Variants in VPS13D observed in about 807,000 individuals in gnomAD.
VPS13D encodes vacuolar protein sorting 13 homolog D.
In VPS13D, 187 loss-of-function variants were observed where a neutral mutation model predicts 461.9. That is an observed-to-expected ratio of 0.40 (90% CI 0.36 to 0.46). The LOEUF is 0.46. VPS13D is among the 20% of genes least tolerant of loss of function. The pLI, the probability that VPS13D is intolerant of heterozygous loss-of-function variation, is 0.60. For missense variants in VPS13D, 4,711 were observed against 5,364.9 expected (o/e 0.88, Z 3.81); for synonymous variants, 1,951 against 1,986.3 (o/e 0.98, Z 0.47).
chr1:12,258,005 A>G lies in VPS13D; in HGVS notation c.1012A>G (p.Thr338Ala). Reference protein sequence around the residue: ...YEIREQRKRCTWDFMLHRARD... With the variant: ...YEIREQRKRCAWDFMLHRARD... ...GATCAGAGAGCAGAGGAAACGTTGCACCTGGGACTTTATGTTGCACCGCGC... is the reference window on the plus strand; with the variant it reads ...GATCAGAGAGCAGAGGAAACGTTGCGCCTGGGACTTTATGTTGCACCGCGC... Residue 338 changes from threonine (T) to alanine (A), a missense_variant, in exon 10 of 70, where the codon ACC becomes GCC. Coordinates refer to ENST00000620676, the MANE Select transcript of VPS13D (RefSeq NM_015378.4). The G allele has an allele frequency of 6.2e-7, 1 of 1,614,240 alleles. No homozygotes were observed. Among genetic ancestry groups the G allele is most frequent in the Non-Finnish European group, 8.5e-7 (1 of 1,180,046 alleles).
In VPS13D at chr1:12,354,068, C is replaced by A. The variant is rs766643917; in HGVS notation, c.9526C>A (p.His3176Asn). 2 of 1,614,188 alleles carry A rather than the reference C, an allele frequency of 1.2e-6. No homozygotes were observed. The highest frequency in any genetic ancestry group is 4.5e-5 in the East Asian group (2 of 44,886). The change falls in exon 47 of 70, where the codon CAT (histidine) becomes AAT (asparagine). Residue 3176 changes from histidine (H) to asparagine (N), a missense_variant. By Grantham distance (68) the His-to-Asn change is moderately conservative (BLOSUM62 1). Coordinates refer to ENST00000620676, the MANE Select transcript of VPS13D (RefSeq NM_015378.4). The stretch of plus-strand genomic sequence containing the variant: ...AAAACAGATTTTCAGACAGCCTGGG[C>A]ATACCATATATCTCCTGCCAACTGT... ...SAKQIFRQPG[H>N]TIYLLPTVVI...
intron 46 of VPS13D, among the ~76,000 whole-genome samples, chr1:12,353,405 C>T (rs959774626): frequency 6.6e-6 from 1 of 151,640 alleles, no homozygotes; most frequent in East Asian, 1.9e-4. Context: ...TGGTGGTGGT[C>T]GCCTGTAGTC....
intron 7 of VPS13D, among the ~76,000 whole-genome samples, chr1:12,255,193 G>A (rs1319472555): frequency 1.3e-5 from 2 of 152,142 alleles, no homozygotes; most frequent in Non-Finnish European, 2.9e-5. Flanking sequence ...TGATACACCT[G>A]CCTCGGCTTC....
At chr1:12,415,323 T>G in intron 64 of VPS13D, 102 bp downstream of exon 64, 1 of 1,472,462 alleles carries the variant, frequency 6.8e-7, no homozygotes, top group Non-Finnish European at 9.4e-7. Context: ...GAGAACCCAG[T>G]TAAACATTTC....
intron 65 of VPS13D, among the ~76,000 whole-genome samples, chr1:12,448,430 A>T (rs919413967): frequency 6.6e-6 from 1 of 152,168 alleles, no homozygotes; most frequent in Non-Finnish European, 1.5e-5. Flanking sequence ...TGCTAACTGT[A>T]TGGAAACCTG....
intron 50 of VPS13D, among the ~76,000 whole-genome samples, chr1:12,361,419 G>A (rs1437566167): frequency 6.8e-5 from 9 of 132,000 alleles, no homozygotes; most frequent in South Asian, 2.3e-4. Context: ...TTTTTGAGAC[G>A]GAGTCTCGCT....
At chr1:12,396,347 T>C (rs1236774769) in intron 60 of VPS13D, among the ~76,000 whole-genome samples, 1 of 152,146 alleles carries the variant, frequency 6.6e-6, no homozygotes, top group Non-Finnish European at 1.5e-5. Context: ...GCTTGTTTTC[T>C]TGAGTAAATG....
intron 40 of VPS13D, 133 bp downstream of exon 40, chr1:12,338,438 G>T (rs186371904): frequency 3.4e-5 from 25 of 730,066 alleles, no homozygotes; most frequent in Non-Finnish European, 5.6e-5. Context: ...TAATAGGAAA[G>T]AACATTTCCA....
In VPS13D at chr1:12,282,923, G is replaced by T; in HGVS notation, c.4821G>T (p.Leu1607Phe). 6.2e-7 allele frequency: 1 copy of T among 1,614,162 alleles called. No homozygotes were observed. The highest frequency in any genetic ancestry group is 8.5e-7 in the Non-Finnish European group (1 of 1,180,016). Residue 1607 changes from leucine (L) to phenylalanine (F), a missense_variant, in exon 21 of 70, where the codon TTG becomes TTT. By Grantham distance (22) the Leu-to-Phe change is conservative. Coordinates refer to ENST00000620676, the MANE Select transcript of VPS13D (RefSeq NM_015378.4). ...TTTCTAACACCTCTCAGAAGTCATT[G>T]TCAGTGAAGGAAGTCAAATCCTTTA... ...SSLSNTSQKS[L>F]SVKEVKSFTQ...
intron 65 of VPS13D, among the ~76,000 whole-genome samples, chr1:12,425,704 G>A (rs1644916468): frequency 6.6e-6 from 1 of 151,822 alleles, no homozygotes; most frequent in African/African-American, 2.4e-5. Context: ...AGGAAGGAAG[G>A]GAGGAAGAGA....
chr1:12,322,531 G>A lies in VPS13D; in HGVS notation c.7705-5G>A, dbSNP rs1643068016. 1 of 1,613,006 alleles carries A rather than the reference G, an allele frequency of 6.2e-7. No homozygotes were observed. Among genetic ancestry groups the A allele is most frequent in the African/African-American group, 1.3e-5 (1 of 74,968 alleles). The stretch of plus-strand genomic sequence containing the variant: ...AAAATTGCTACCTTTTTTACATTTT[G>A]TTAGATTCAGTTACAAGCCCTGGAT... On this transcript the variant is annotated splice_polypyrimidine_tract_variant and splice_region_variant and intron_variant, in intron 33 of 69. Coordinates refer to ENST00000620676, the MANE Select transcript of VPS13D (RefSeq NM_015378.4).
intron 67 of VPS13D, among the ~76,000 whole-genome samples, chr1:12,463,920 C>T (rs1365648840): frequency 1.3e-5 from 2 of 152,168 alleles, no homozygotes; most frequent in East Asian, 1.9e-4. Flanking sequence ...TTCTGCTTCT[C>T]AGGGGTTTGA....
chr1:12,265,581 C>T (rs1048266289), intron 13 of VPS13D, among the ~76,000 whole-genome samples: 2 of 152,060 alleles, frequency 1.3e-5, no homozygotes, highest in African/African-American at 4.8e-5. Context: ...ATTTGTAATT[C>T]GTGGAAGGAG....
chr1:12,478,233 C>G (rs1455530545), intron 67 of VPS13D, among the ~76,000 whole-genome samples: 2 of 152,270 alleles, frequency 1.3e-5, no homozygotes, highest in African/African-American at 4.8e-5. Context: ...CGAAGCACGG[C>G]TGGCTTACAG....
chr1:12,329,314 A>G (rs1224613806), intron 36 of VPS13D, among the ~76,000 whole-genome samples: 3 of 152,066 alleles, frequency 2.0e-5, no homozygotes, highest in Admixed American at 6.6e-5. Flanking sequence ...CCCGGGTCCA[A>G]GCAATTCTCC....
chr1:12,500,920 G>T (rs1646026615), intron 68 of VPS13D, among the ~76,000 whole-genome samples: 1 of 151,698 alleles, frequency 6.6e-6, no homozygotes, highest in African/African-American at 2.4e-5. Context: ...CGGGCATGGT[G>T]GCACACACCT....
intron 60 of VPS13D, among the ~76,000 whole-genome samples, chr1:12,386,749 G>T (rs1240760764): frequency 3.3e-5 from 5 of 152,172 alleles, no homozygotes; most frequent in Admixed American, 3.3e-4. Flanking sequence ...CCAGAATCCA[G>T]ATAAATAAGA....
At chr1:12,413,198 G>T (rs963304384) in intron 63 of VPS13D, among the ~76,000 whole-genome samples, 1 of 151,742 alleles carries the variant, frequency 6.6e-6, no homozygotes, top group Admixed American at 6.6e-5. Flanking sequence ...TTTGTTTTTG[G>T]TCGTTGTTTG....
intron 7 of VPS13D, among the ~76,000 whole-genome samples, chr1:12,254,105 T>C (rs901082515): frequency 3.9e-5 from 6 of 152,262 alleles, no homozygotes; most frequent in Non-Finnish European, 8.8e-5. Flanking sequence ...TTTTAAGATG[T>C]TGCTGTTTGT....
Sources: allele counts gnomAD v4.1 joint callset (sites outside exome capture counted in the v4.1 genomes callset), GRCh38; gene constraint gnomAD v4.1.1; transcripts MANE v1.5; gene names NCBI Gene and HGNC (gene_info 2026-07-23, HGNC 2026-07-21).